The following DTD1 variants were observed in gnomAD, a reference collection of about 807,000 sequenced individuals.
DTD1 encodes D-aminoacyl-tRNA deacylase 1.
Under a neutral mutation model 25.6 loss-of-function variants are expected in DTD1, and 13 were observed. The observed-to-expected ratio is 0.51, with a 90% CI of 0.33 to 0.81. The LOEUF (loss-of-function observed/expected upper bound fraction) is 0.81. Among genes scored for constraint, DTD1 ranks in the 30% least tolerant of loss-of-function variants. The pLI, the probability that DTD1 is intolerant of heterozygous loss-of-function variation, is 0.02. For synonymous variants in DTD1, 110 were observed against 103.6 expected, an observed-to-expected ratio of 1.06 and a Z score of -0.37; for missense variants, 193 against 266.4, an observed-to-expected ratio of 0.72 and a Z score of 1.92.
At chr20:18,753,572 C>T (rs1355755817) in intron 5 of DTD1, among the ~76,000 whole-genome samples, 3 of 125,106 alleles carry the variant, frequency 2.4e-5, no homozygotes, top group Non-Finnish European at 4.8e-5. Flanking sequence ...CGCGCCACTG[C>T]ACTCCAGCCT....
intron 4 of DTD1, among the ~76,000 whole-genome samples, chr20:18,690,000 G>C (rs1354188215): frequency 2.9e-5 from 2 of 69,896 alleles, no homozygotes; most frequent in Non-Finnish European, 7.2e-5. Flanking sequence ...GCCAGGCGTG[G>C]TGGTGTGTGT....
chr20:18,665,502 A>G (rs1376772692), intron 4 of DTD1, among the ~76,000 whole-genome samples: 2 of 152,108 alleles, frequency 1.3e-5, no homozygotes, highest in African/African-American at 4.8e-5. Context: ...CAGTTTCTCT[A>G]GTTTGTGAGT....
chr20:18,762,034 G>A (rs969927076), intron 5 of DTD1, among the ~76,000 whole-genome samples: 1 of 152,232 alleles, frequency 6.6e-6, no homozygotes, highest in Non-Finnish European at 1.5e-5. Context: ...CAGAGCTGCA[G>A]AGCATGGGCT....
chr20:18,609,308 AATTTTTTTTGT>A (rs2060676996), intron 3 of DTD1, among the ~76,000 whole-genome samples: 2 of 151,798 alleles, frequency 1.3e-5, no homozygotes, highest in South Asian at 4.2e-4. Context: ...ACACTCGGCT[AATTTTTTTTGT>A]ATTTTTTTTT....
chr20:18,759,490 A>C (rs950877045), intron 5 of DTD1, among the ~76,000 whole-genome samples: 1 of 152,164 alleles, frequency 6.6e-6, no homozygotes, highest in Non-Finnish European at 1.5e-5. Context: ...TCCTTCACTT[A>C]GGAAGCTTAG....
chr20:18,601,870 T>C (rs1278970529), intron 3 of DTD1, among the ~76,000 whole-genome samples: 1 of 151,374 alleles, frequency 6.6e-6, no homozygotes, highest in African/African-American at 2.4e-5. Context: ...AGAGCGCCTC[T>C]CCTCCTCCAA....
chr20:18,747,832 A>G lies in DTD1; in HGVS notation c.*19+3561A>G, dbSNP rs374312518. On this transcript the variant is annotated intron_variant, in intron 5 of 5. Transcript: ENST00000377452. ...TCGAGACCATCTGGCCAATATGGTGAAACTCCGTCTCTATAAAAAATACAA... is the reference window on the plus strand; with the variant it reads ...TCGAGACCATCTGGCCAATATGGTGGAACTCCGTCTCTATAAAAAATACAA... 2.0e-5 allele frequency among the ~76,000 whole-genome samples: 3 copies of G among 147,648 alleles called. No individual in the cohort carries two copies. In the South Asian group the frequency reaches 6.6e-4, roughly 33 times the overall value.
intron 4 of DTD1, among the ~76,000 whole-genome samples, chr20:18,673,102 G>A (rs2060956827): frequency 6.6e-6 from 1 of 152,174 alleles, no homozygotes; most frequent in African/African-American, 2.4e-5. Flanking sequence ...TCGTACTTAT[G>A]GAGTAGCTTA....
chr20:18,624,748 G>C (rs1269881174), intron 3 of DTD1, among the ~76,000 whole-genome samples: 1 of 152,160 alleles, frequency 6.6e-6, no homozygotes, highest in Non-Finnish European at 1.5e-5. Context: ...AGATGTCTGA[G>C]CAAAGTTTGA....
intron 4 of DTD1, among the ~76,000 whole-genome samples, chr20:18,734,045 AAAC>A (rs1387609113): frequency 6.6e-6 from 1 of 152,242 alleles, no homozygotes; most frequent in Non-Finnish European, 1.5e-5. Context: ...CAGTTTGAGA[AAAC>A]AAATTATTCA....
chr20:18,702,142 G>C (rs1361968123), intron 4 of DTD1, among the ~76,000 whole-genome samples: 1 of 152,178 alleles, frequency 6.6e-6, no homozygotes, highest in Non-Finnish European at 1.5e-5. Context: ...GGTCAAAGAT[G>C]AAAGGGAAGA....
rs539091243 is a variant in DTD1, at chr20:18,702,766, A to T, written c.478-41334A>T. Among the ~76,000 whole-genome samples, 5 of 148,546 alleles carry T rather than the reference A, an allele frequency of 3.4e-5. No individual in the cohort carries two copies. The South Asian group carries it at 1.1e-3, about 32-fold the overall frequency. The stretch of plus-strand genomic sequence containing the variant: ...AGGCAAAAAAAAAAAAAAAAAAGGA[A>T]CTGTCTACAAAAATTTTAAAAGAAT... On this transcript the variant is annotated intron_variant, in intron 4 of 5. Transcript: ENST00000377452.
intron 4 of DTD1, among the ~76,000 whole-genome samples, chr20:18,689,323 G>A (rs1396431739): frequency 6.6e-6 from 1 of 152,146 alleles, no homozygotes; most frequent in Non-Finnish European, 1.5e-5. Context: ...TTTTAAGGGG[G>A]TATATGGAGT....
At chr20:18,668,477 AG>A (rs1455028381) in intron 4 of DTD1, among the ~76,000 whole-genome samples, 1 of 152,138 alleles carries the variant, frequency 6.6e-6, no homozygotes, top group Admixed American at 6.5e-5. Flanking sequence ...TGCCACTGTT[AG>A]GGGTGAGAGA....
At chr20:18,748,256 C>T (rs975014169) in intron 5 of DTD1, among the ~76,000 whole-genome samples, 3 of 151,992 alleles carry the variant, frequency 2.0e-5, no homozygotes, top group Non-Finnish European at 4.4e-5. Context: ...TTAAAAAATT[C>T]AAATACCACC....
chr20:18,729,772 G>A (rs968648303), intron 4 of DTD1, among the ~76,000 whole-genome samples: 61 of 152,232 alleles, frequency 4.0e-4, no homozygotes, highest in African/African-American at 1.4e-3. Flanking sequence ...CTAAGAAGCA[G>A]AGCGACTTCC....
intron 1 of DTD1, among the ~76,000 whole-genome samples, chr20:18,590,034 G>A (rs1029664401): frequency 1.3e-5 from 2 of 152,172 alleles, no homozygotes; most frequent in African/African-American, 4.8e-5. Context: ...ATGTGGCTGT[G>A]TTTGAATGGC....
chr20:18,598,385 C>T (rs2060620321), intron 3 of DTD1, among the ~76,000 whole-genome samples: 1 of 152,276 alleles, frequency 6.6e-6, no homozygotes, highest in Middle Eastern at 3.4e-3. Context: ...CACTGATGGA[C>T]ATTTGGGTTG....
intron 2 of DTD1, among the ~76,000 whole-genome samples, chr20:18,594,757 T>C (rs534949201): frequency 6.6e-6 from 1 of 152,336 alleles, no homozygotes; most frequent in Non-Finnish European, 1.5e-5. Context: ...AGCTGTCCTC[T>C]GGATACTCAA....
Sources: allele counts gnomAD v4.1 joint callset (sites outside exome capture counted in the v4.1 genomes callset), GRCh38; gene constraint gnomAD v4.1.1; transcripts MANE v1.5; gene names NCBI Gene and HGNC (gene_info 2026-07-23, HGNC 2026-07-21).